SLC8A2: variants seen among roughly 807,000 people sequenced by gnomAD.
SLC8A2 encodes the protein sodium/calcium exchanger 2.
SLC8A2 carries 14 observed loss-of-function variants against 70.2 expected under a neutral mutation model. The observed-to-expected ratio is 0.20, with a 90% CI of 0.13 to 0.31. The LOEUF is 0.31. Among genes scored for constraint, SLC8A2 ranks in the 10% least tolerant of loss-of-function variants. SLC8A2 has a pLI of 1.00. For missense variants in SLC8A2, 779 were observed against 1,320.1 expected (o/e 0.59, Z 6.35); for synonymous variants, 575 against 594.3 (o/e 0.97, Z 0.47).
At position 47,432,276 on chromosome 19, in the gene SLC8A2, G is replaced by A. The variant is rs1448002945; in HGVS notation, c.2280C>T (p.Gly760=). Reference sequence around the variant, plus strand: ...GGTCCCCAATGAGGGCGGTGAGCAGGCCGATGACCAGGATGGAGACACCAA... The same window carrying A: ...GGTCCCCAATGAGGGCGGTGAGCAGACCGATGACCAGGATGGAGACACCAA... ...ACFGVSILVI[G]LLTALIGDLA... The change falls in exon 9 of 10, where the codon GGC becomes GGT. Residue 760 remains glycine (G), a synonymous_variant. Transcript: ENST00000236877. The surrounding 1 kb of genome is among the most constrained non-coding windows in gnomAD (Gnocchi z 6.2). 1.9e-6 allele frequency: 3 copies of A among 1,614,174 alleles called. No homozygotes were observed. The Admixed American group carries it at 5.0e-5, about 27-fold the overall frequency.
At chr19:47,463,184 G>A (rs1403846537) in intron 2 of SLC8A2, among the ~76,000 whole-genome samples, 4 of 151,560 alleles carry the variant, frequency 2.6e-5, no homozygotes, top group Non-Finnish European at 4.4e-5. Flanking sequence ...CTAGGCCTGA[G>A]TGCAGCGGCG....
chr19:47,462,190 G>A (rs533237744), intron 2 of SLC8A2, among the ~76,000 whole-genome samples: 157 of 152,234 alleles, frequency 1.0e-3, no homozygotes, highest in African/African-American at 3.6e-3. Context: ...GTTCTTATCC[G>A]TGAAAACACT....
In SLC8A2 at chr19:47,457,370, C is replaced by T; in HGVS notation, c.900G>A (p.Pro300=). The change falls in exon 3 of 10, where the codon CCG becomes CCA. Residue 300 remains proline, a synonymous_variant. Transcript: ENST00000236877. The part of the protein sequence containing the change: ...EAPGELGGLG[P]GPAEARELDA... ...CCAGCTCGCGCGCCTCGGCGGGGCC[C>T]GGGCCCAGGCCGCCCAGCTCACCTG... 6.5e-7 allele frequency: 1 copy of T among 1,545,102 alleles called. No individual in the cohort carries two copies. The highest frequency in any genetic ancestry group is 8.7e-7 in the Non-Finnish European group (1 of 1,145,948).
At chr19:47,446,981 G>T (rs1271028913) in intron 4 of SLC8A2, among the ~76,000 whole-genome samples, 1 of 151,914 alleles carries the variant, frequency 6.6e-6, no homozygotes, top group Non-Finnish European at 1.5e-5. Flanking sequence ...CAGCCCTCAG[G>T]CTCCCCAGTG....
chr19:47,471,078 C>A (rs1023322354), intron 1 of SLC8A2, among the ~76,000 whole-genome samples: 5 of 149,138 alleles, frequency 3.4e-5, no homozygotes, highest in Non-Finnish European at 7.4e-5. Context: ...GAGAGAGAAA[C>A]AGAGACTGAG....
intron 2 of SLC8A2, among the ~76,000 whole-genome samples, chr19:47,458,984 A>G (rs936829531): frequency 8.4e-6 from 1 of 119,086 alleles, no homozygotes; most frequent in African/African-American, 3.3e-5. Context: ...GCCTCTCCCT[A>G]TCTCTCCCCA....
At position 47,468,521 on chromosome 19, in the gene SLC8A2, C is replaced by T. The variant is rs1342866633; in HGVS notation, c.-16-2102G>A. 1.3e-5 allele frequency among the ~76,000 whole-genome samples: 2 copies of T among 152,186 alleles called. No homozygotes were observed. Among genetic ancestry groups the T allele is most frequent in the African/African-American group, 4.8e-5 (2 of 41,458 alleles). ...CAGGCTGTTTTTGAACTCCTGGGTT[C>T]AGGTGCTCCACCTGCCTTGGCCTCC... On this transcript the variant is annotated intron_variant, in intron 1 of 9. Coordinates refer to ENST00000236877, the MANE Select transcript of SLC8A2 (RefSeq NM_015063.3). This position sits in a 1 kb window ranked among gnomAD's most constrained non-coding sequence, Gnocchi z 5.1.
chr19:47,437,526 C>G lies in SLC8A2; in HGVS notation c.2046G>C (p.Leu682Phe), dbSNP rs745748777. 6 of 1,613,936 alleles carry G rather than the reference C, an allele frequency of 3.7e-6. No individual in the cohort carries two copies. The highest frequency in any genetic ancestry group is 3.3e-5 in the South Asian group (3 of 91,082). ...TVDKLIKKTNLALVIGTHSWR... is the reference protein window; with the variant it reads ...TVDKLIKKTNFALVIGTHSWR... ...ATGAATGGGTCCCAATTACCAAGGC[C>G]AAGTTCGTTTTCTTGATGAGTTTAT... The change falls in exon 8 of 10, where the codon TTG becomes TTC. Residue 682 changes from leucine to phenylalanine, a missense_variant. Leu to Phe is a conservative substitution (Grantham distance 22). Coordinates refer to ENST00000236877, the MANE Select transcript of SLC8A2 (RefSeq NM_015063.3).
intron 1 of SLC8A2, among the ~76,000 whole-genome samples, chr19:47,469,663 GT>G (rs573360514): frequency 6.6e-6 from 1 of 152,176 alleles, no homozygotes; most frequent in Non-Finnish European, 1.5e-5. Context: ...TGACCAAGAG[GT>G]CTGAGCCCTG....
intron 2 of SLC8A2, among the ~76,000 whole-genome samples, chr19:47,458,762 TTC>T (rs1167614551): frequency 6.6e-6 from 1 of 151,396 alleles, no homozygotes; most frequent in African/African-American, 2.4e-5. Context: ...TTCTTTCTTT[TTC>T]TCTCTCAATA....
At chr19:47,456,663 TCAAA>T (rs1461856885) in intron 3 of SLC8A2, among the ~76,000 whole-genome samples, 5 of 152,138 alleles carry the variant, frequency 3.3e-5, no homozygotes, top group Admixed American at 6.5e-5. Flanking sequence ...AGACTCTATC[TCAAA>T]CAAACAAAAA....
chr19:47,432,527 A>T lies in SLC8A2; in HGVS notation c.2111-82T>A. On this transcript the variant is annotated intron_variant, in intron 8 of 9. Coordinates refer to ENST00000236877, the MANE Select transcript of SLC8A2 (RefSeq NM_015063.3). The surrounding 1 kb of genome is among the most constrained non-coding windows in gnomAD (Gnocchi z 6.2). ...AGGCCCCATTTTGTCTAACTTCCTG[A>T]CAGCAAGTCCCATTGAATGAACTTC... is the stretch of plus-strand genomic sequence containing the variant. The T allele has an allele frequency of 2.2e-6, 3 of 1,354,168 alleles. No individual in the cohort carries two copies. The highest frequency in any genetic ancestry group is 2.0e-6 in the Non-Finnish European group (2 of 1,001,596). The allele number at this position is 1,354,168 out of a possible 1,614,324, so 83.9% of individuals were successfully genotyped here.
chr19:47,433,478 C>T (rs989482185), intron 8 of SLC8A2, among the ~76,000 whole-genome samples: 3 of 152,232 alleles, frequency 2.0e-5, no homozygotes, highest in African/African-American at 7.2e-5. Context: ...CTGTGAGTGA[C>T]TATCTGACCC....
In SLC8A2 at chr19:47,432,063, A is replaced by T; in HGVS notation, c.2389+104T>A. The T allele has an allele frequency of 8.9e-7, 1 of 1,122,898 alleles. No individual in the cohort carries two copies. Among genetic ancestry groups the T allele is most frequent in the Non-Finnish European group, 1.3e-6 (1 of 792,642 alleles). The allele number at this position is 1,122,898 out of a possible 1,614,324, so 69.6% of individuals were successfully genotyped here. A position where few individuals can be genotyped will look rare whatever the true frequency, so the allele number is the denominator to read the frequency against. On this transcript the variant is annotated intron_variant, in intron 9 of 9. Transcript: ENST00000236877. The surrounding 1 kb of genome is among the most constrained non-coding windows in gnomAD (Gnocchi z 6.2). ...TCCGTATTTCTCTGAGACCCACCAC[A>T]TGGGCGCTGTGTGACTCCACCCACC... is the stretch of plus-strand genomic sequence containing the variant.
intron 4 of SLC8A2, among the ~76,000 whole-genome samples, chr19:47,444,344 AC>A (rs1265624450): frequency 6.6e-6 from 1 of 152,152 alleles, no homozygotes; most frequent in Admixed American, 6.5e-5. Flanking sequence ...CGCACAAGAC[AC>A]AGCGACACCC....
chr19:47,465,709 A>T lies in SLC8A2; in HGVS notation c.675+20T>A. The T allele has an allele frequency of 1.9e-6, 3 of 1,587,464 alleles. No homozygotes were observed. Among genetic ancestry groups the T allele is most frequent in the Non-Finnish European group, 2.6e-6 (3 of 1,163,536 alleles). On this transcript the variant is annotated intron_variant, in intron 2 of 9. Coordinates refer to ENST00000236877, the MANE Select transcript of SLC8A2 (RefSeq NM_015063.3). This position sits in a 1 kb window ranked among gnomAD's most constrained non-coding sequence, Gnocchi z 5.5. ...GCAGACACACATGCACCAAGAAAGCATCTATGCGTCTTTGCTCACCTGGAC... is the reference window on the plus strand; with the variant it reads ...GCAGACACACATGCACCAAGAAAGCTTCTATGCGTCTTTGCTCACCTGGAC...
At position 47,451,300 on chromosome 19, in the gene SLC8A2, G is replaced by A. The variant is rs578164493; in HGVS notation, c.1341-3069C>T. 3.4e-4 allele frequency among the ~76,000 whole-genome samples: 51 copies of A among 149,044 alleles called. 1 individual carries two copies. The highest frequency in any genetic ancestry group is 1.0e-3 in the African/African-American group (40 of 39,064). On this transcript the variant is annotated intron_variant, in intron 3 of 9. Transcript: ENST00000236877. ...TGGGATTACAGGCATAAGCCACCGC[G>A]CCCAGACCTTTTTTTTGTTTTTGTT...
chr19:47,438,043 C>T (rs1438743080), intron 6 of SLC8A2, 70 bp from the exon 7 acceptor site: 1 of 1,586,586 alleles, frequency 6.3e-7, no homozygotes, highest in Non-Finnish European at 8.6e-7. Flanking sequence ...GCCTTTACTA[C>T]CTGTCCCCAT....
rs1967186019 is a variant in SLC8A2 at position 47,447,817 on chromosome 19, G to A, written c.1755C>T (p.Asp585=). 6.3e-7 allele frequency: 1 copy of A among 1,589,208 alleles called. No homozygotes were observed. The highest frequency in any genetic ancestry group is 8.5e-7 in the Non-Finnish European group (1 of 1,175,276). The change falls in exon 4 of 10, where the codon GAC becomes GAT. Residue 585 remains aspartate, a synonymous_variant. Transcript: ENST00000236877. The surrounding 1 kb of genome is among the most constrained non-coding windows in gnomAD (Gnocchi z 5.1). ...GCCTCGGGCGTGCTCACATGGTCTC[G>A]TCGTCGCCAAACTCCAGCTCTCCGC... ...DACGELEFGD[D]ETMKTLQVKI...
Sources: gnomAD v4.1 joint callset for allele counts (sites outside exome capture counted in the v4.1 genomes callset) on GRCh38, gnomAD v4.1.1 for gene constraint, Gnocchi (gnomAD v3.1) non-coding constraint, MANE v1.5 for transcripts, NCBI Gene and HGNC (gene_info 2026-07-23, HGNC 2026-07-21) for gene names.